ATP13A3: variants seen among roughly 807,000 people sequenced by gnomAD.
ATP13A3 encodes ATPase 13A3.
A neutral mutation model predicts 158.1 loss-of-function variants in ATP13A3; 59 were observed. The ratio of observed to expected loss-of-function variants is 0.37; its 90% CI spans 0.30 to 0.46. The LOEUF is 0.46. ATP13A3 is among the 20% of genes least tolerant of loss of function. ATP13A3 has a pLI of 1.00. For missense variants in ATP13A3, 1,166 were observed against 1,525.2 expected (o/e 0.76, Z 3.92); for synonymous variants, 491 against 504.3 (o/e 0.97, Z 0.35).
At chr3:194,460,337 G>A (rs1430941343) in intron 4 of ATP13A3, among the ~76,000 whole-genome samples, 1 of 152,084 alleles carries the variant, frequency 6.6e-6, no homozygotes, top group Admixed American at 6.5e-5. Context: ...TCACACAGCA[G>A]ACAGGCAGCT....
At chr3:194,462,354 T>C (rs1719723525) in intron 2 of ATP13A3, 118 bp from the exon 3 acceptor site, 2 of 642,870 alleles carry the variant, frequency 3.1e-6, no homozygotes, top group South Asian at 3.8e-5. Context: ...GTCACGGACC[T>C]GTTAGGAACA....
intron 30 of ATP13A3, among the ~76,000 whole-genome samples, chr3:194,422,368 C>G (rs1716451821): frequency 6.6e-6 from 1 of 152,166 alleles, no homozygotes; most frequent in South Asian, 2.1e-4. Context: ...ACATTCTTCA[C>G]CAGAAGACAG....
intron 26 of ATP13A3, 31 bp downstream of exon 26, chr3:194,430,041 A>G (rs921685562): frequency 9.6e-6 from 15 of 1,557,836 alleles, no homozygotes; most frequent in African/African-American, 1.4e-5. Flanking sequence ...GACAGAGAAA[A>G]AGGGATGAGA....
chr3:194,437,018 C>T, intron 20 of ATP13A3, 77 bp downstream of exon 20: 6 of 1,466,468 alleles, frequency 4.1e-6, no homozygotes, highest in Non-Finnish European at 4.7e-6. Flanking sequence ...TACTCAATTA[C>T]ATGCAAATTA....
At chr3:194,458,595 C>T (rs2108959809) in intron 6 of ATP13A3, among the ~76,000 whole-genome samples, 1 of 152,190 alleles carries the variant, frequency 6.6e-6, no homozygotes, top group African/African-American at 2.4e-5. Context: ...ACCGTGTTGG[C>T]CAGGCTGGTC....
At chr3:194,492,950 G>A (rs1721162891) in intron 2 of ATP13A3, among the ~76,000 whole-genome samples, 1 of 151,948 alleles carries the variant, frequency 6.6e-6, no homozygotes, top group African/African-American at 2.4e-5. Flanking sequence ...TGGGATTATG[G>A]GAAACAGGCA....
At position 194,486,026 on chromosome 3, in the gene ATP13A3, C is replaced by T. The variant is rs111466329; in HGVS notation, c.-88-191G>A. Among the ~76,000 whole-genome samples, 1,142 of 152,246 alleles carry T rather than the reference C, an allele frequency of 7.5e-3. 9 individuals carry two copies. The highest frequency in any genetic ancestry group is 0.013 in the Non-Finnish European group (871 of 68,020). The stretch of plus-strand genomic sequence containing the variant: ...TGAAGGGAATGGAGAGACAGAAAGG[C>T]CATAGCGAGAGTGGCCACGAGAGCA... On this transcript the variant is annotated intron_variant, in intron 1 of 33. Transcript: ENST00000645319.
intron 33 of ATP13A3, among the ~76,000 whole-genome samples, chr3:194,408,641 A>G (rs771270748): frequency 7.2e-5 from 11 of 152,356 alleles, no homozygotes; most frequent in Middle Eastern, 3.4e-3. Context: ...CAAACAGTGT[A>G]CACGTGTCAC....
intron 2 of ATP13A3, among the ~76,000 whole-genome samples, chr3:194,481,545 ACTAAT>A (rs1325426488): frequency 6.6e-6 from 1 of 152,160 alleles, no homozygotes; most frequent in African/African-American, 2.4e-5. Flanking sequence ...CTAAAAAGGC[ACTAAT>A]CTAAATAATC....
chr3:194,414,869 A>G (rs780509090), intron 31 of ATP13A3, among the ~76,000 whole-genome samples: 2 of 152,246 alleles, frequency 1.3e-5, no homozygotes, highest in Admixed American at 6.5e-5. Flanking sequence ...AACAGTCAAT[A>G]TATCAGTGTA....
intron 2 of ATP13A3, among the ~76,000 whole-genome samples, chr3:194,478,546 C>G (rs1720621267): frequency 6.6e-6 from 1 of 152,080 alleles, no homozygotes; most frequent in African/African-American, 2.4e-5. Context: ...GCCAGGAAAA[C>G]AAGTTATTTA....
chr3:194,455,837 A>G (rs1220701556), intron 8 of ATP13A3, 56 bp downstream of exon 8: 1 of 1,081,460 alleles, frequency 9.2e-7, no homozygotes, highest in Non-Finnish European at 1.3e-6. Flanking sequence ...AACTCATTCC[A>G]AATTGACACA....
At chr3:194,446,716 G>C (rs1718434710) in intron 14 of ATP13A3, among the ~76,000 whole-genome samples, 1 of 152,082 alleles carries the variant, frequency 6.6e-6, no homozygotes, top group Non-Finnish European at 1.5e-5. Flanking sequence ...TTCATTTAAA[G>C]TTGCAGTTTT....
At chr3:194,431,967 A>C in intron 21 of ATP13A3, 75 bp from the exon 22 acceptor site, 1 of 1,218,250 alleles carries the variant, frequency 8.2e-7, no homozygotes, top group Non-Finnish European at 1.1e-6. Context: ...ACTTGCTGAG[A>C]ATCTACTACA....
rs557800413 is a variant in ATP13A3, at chr3:194,485,822, G to A, written c.-75C>T. On this transcript the variant is annotated 5_prime_UTR_variant, in exon 2 of 34. Transcript: ENST00000645319. The stretch of plus-strand genomic sequence containing the variant: ...CTATGTCCAAACACCAAGATTCAGG[G>A]ATGTCTGTCAGATCTATGGGAAGAG... 2 of 152,288 alleles carry A rather than the reference G, an allele frequency of 1.3e-5. No homozygotes were observed. Among genetic ancestry groups the A allele is most frequent in the African/African-American group, 2.4e-5 (1 of 41,536 alleles). 9.4% of individuals were successfully genotyped at this position (152,288 alleles called of 1,614,324 possible).
At chr3:194,453,831 GA>G in intron 9 of ATP13A3, 53 bp from the exon 10 acceptor site, 1 of 1,394,670 alleles carries the variant, frequency 7.2e-7, no homozygotes, top group Non-Finnish European at 1.0e-6. Context: ...CACTCCTCAG[GA>G]AAAAAGCCAG....
chr3:194,428,718 CAT>C, intron 28 of ATP13A3, 125 bp downstream of exon 28: 1 of 590,420 alleles, frequency 1.7e-6, no homozygotes, highest in South Asian at 2.6e-5. Flanking sequence ...AATAAAATAA[CAT>C]ATTTACAAGG....
At chr3:194,420,749 T>A (rs893398449) in intron 30 of ATP13A3, among the ~76,000 whole-genome samples, 2 of 152,140 alleles carry the variant, frequency 1.3e-5, no homozygotes, top group Admixed American at 6.5e-5. Flanking sequence ...TATATAAGCA[T>A]ATACTTGTAT....
At chr3:194,445,269 C>T (rs772671043) in intron 14 of ATP13A3, among the ~76,000 whole-genome samples, 3 of 152,126 alleles carry the variant, frequency 2.0e-5, no homozygotes, top group Non-Finnish European at 4.4e-5. Context: ...TAAGTAAAGG[C>T]AATTGTTACA....
Sources: allele counts gnomAD v4.1 joint callset (sites outside exome capture counted in the v4.1 genomes callset), GRCh38; gene constraint gnomAD v4.1.1; transcripts MANE v1.5; gene names NCBI Gene and HGNC (gene_info 2026-07-23, HGNC 2026-07-21).